The following TMEM242 variants were observed in gnomAD, a reference collection of about 807,000 sequenced individuals.
TMEM242 encodes the protein transmembrane protein 242.
TMEM242 carries 10 observed loss-of-function variants against 18.2 expected under a neutral mutation model. The ratio of observed to expected loss-of-function variants is 0.55; its 90% CI spans 0.34 to 0.93. TMEM242 has a LOEUF of 0.93. Among genes scored for constraint, TMEM242 ranks in the 40% least tolerant of loss-of-function variants. TMEM242 has a pLI of 0.02. For missense variants in TMEM242, 186 were observed against 175.5 expected, an observed-to-expected ratio of 1.06 and a Z score of -0.34; for synonymous variants, 57 against 69.9, an observed-to-expected ratio of 0.81 and a Z score of 0.92.
chr6:157,310,982 GTA>G (rs1554248545), intron 3 of TMEM242, among the ~76,000 whole-genome samples: 7 of 1,500 alleles, frequency 4.7e-3, no homozygotes, highest in Non-Finnish European at 6.9e-3. Context: ...TAGTGTCCCA[GTA>G]TGCGCTAACC....
chr6:157,312,243 T>G, intron 3 of TMEM242, among the ~76,000 whole-genome samples: 1 of 147,226 alleles, frequency 6.8e-6, no homozygotes, highest in African/African-American at 2.5e-5. Context: ...TACACTCATC[T>G]AGCCTTATCA....
rs1252826960 is a variant in TMEM242 at position 157,291,886 on chromosome 6, CATATT to C, written c.*1010_*1014del. The C allele has an allele frequency of 2.6e-5, 4 of 152,166 alleles. No individual in the cohort carries two copies. The highest frequency in any genetic ancestry group is 5.9e-5 in the Non-Finnish European group (4 of 68,034). 9.4% of individuals were successfully genotyped at this position (152,166 alleles called of 1,614,324 possible). Reference sequence around the variant, plus strand: ...CAGGTTTTTTCTCTGGACATATTGACATATTAAAGTATTTCTCTTCTTGAAAATAT... The same window carrying C: ...CAGGTTTTTTCTCTGGACATATTGACAAAGTATTTCTCTTCTTGAAAATAT... On this transcript the variant is annotated 3_prime_UTR_variant, in exon 4 of 4. Coordinates refer to ENST00000400788, the MANE Select transcript of TMEM242 (RefSeq NM_018452.6).
At chr6:157,295,464 C>A (rs1437787876) in intron 3 of TMEM242, among the ~76,000 whole-genome samples, 1 of 152,188 alleles carries the variant, frequency 6.6e-6, no homozygotes, top group Non-Finnish European at 1.5e-5. Context: ...AGCCAGATGA[C>A]AATTTTCAAA....
In TMEM242 at chr6:157,323,465, G is replaced by A. The variant is rs781869043; in HGVS notation, c.35C>T (p.Ala12Val). Residue 12 changes from alanine to valine, a missense_variant, in exon 1 of 4, where the codon GCC becomes GTC. Coordinates refer to ENST00000400788, the MANE Select transcript of TMEM242 (RefSeq NM_018452.6). ...ETAGAATGQP[A>V]SGLEAPGSTN... is the part of the protein sequence containing the mutation. The stretch of plus-strand genomic sequence containing the variant: ...GGACCCCGGAGCCTCCAGCCCAGAG[G>A]CCGGCTGCCCAGTTGCAGCGCCCGC... The A allele has an allele frequency of 1.4e-5, 23 of 1,613,932 alleles. No individual in the cohort carries two copies. The African/African-American group carries it at 3.1e-4, about 22-fold the overall frequency.
Position 157,292,943 on chromosome 6 carries a change from G to A in TMEM242, c.384C>T (p.Ser128=), listed in dbSNP as rs150133490. 3 of 1,613,496 alleles carry A rather than the reference G, an allele frequency of 1.9e-6. No homozygotes were observed. The highest frequency in any genetic ancestry group is 2.5e-6 in the Non-Finnish European group (3 of 1,179,590). ...QSIFPTIPKN[S]ESAVEWEETL... is the part of the protein sequence containing the mutation. ...TTTCCTCCCACTCAACAGCCGATTC[G>A]GAGTTCTTGGGAATTGTTGGAAATA... is the stretch of plus-strand genomic sequence containing the variant. The change falls in exon 4 of 4, where the codon TCC becomes TCT. Residue 128 remains serine, a synonymous_variant. Transcript: ENST00000400788.
intron 3 of TMEM242, among the ~76,000 whole-genome samples, chr6:157,310,843 C>G (rs1554248473): frequency 7.1e-6 from 1 of 139,990 alleles, no homozygotes; most frequent in Non-Finnish European, 1.6e-5. Flanking sequence ...TCATAGTGTC[C>G]CAGTGTGCAC....
chr6:157,310,325 C>A (rs782083786), intron 3 of TMEM242, among the ~76,000 whole-genome samples: 3 of 28,744 alleles, frequency 1.0e-4, no homozygotes, highest in Non-Finnish European at 2.2e-4. Flanking sequence ...GTTCTCCAAA[C>A]TTAAACTATC....
chr6:157,310,320 C>G (rs587733267), intron 3 of TMEM242, among the ~76,000 whole-genome samples: 1 of 53,724 alleles, frequency 1.9e-5, no homozygotes, highest in East Asian at 6.8e-4. Flanking sequence ...CAACTGTTCT[C>G]CAAACTTAAA....
At chr6:157,310,840 GTCCCAGTGTGCACTCACCTA>G (rs1778016098) in intron 3 of TMEM242, among the ~76,000 whole-genome samples, 1 of 151,984 alleles carries the variant, frequency 6.6e-6, no homozygotes, top group African/African-American at 2.4e-5. Flanking sequence ...TCATCATAGT[GTCCCAGTGTGCACTCACCTA>G]GCCTCATCAT....
chr6:157,302,100 G>C (rs1032386053), intron 3 of TMEM242, among the ~76,000 whole-genome samples: 8 of 152,188 alleles, frequency 5.3e-5, no homozygotes, highest in African/African-American at 1.9e-4. Context: ...TCAGATGACA[G>C]AGCCACAAAC....
In TMEM242 at chr6:157,311,187, C is replaced by G. The variant is rs1327861198; in HGVS notation, c.327+7595G>C. 2.5e-4 allele frequency among the ~76,000 whole-genome samples: 35 copies of G among 138,590 alleles called. 2 individuals are homozygous for G. The highest frequency in any genetic ancestry group is 3.0e-4 in the Non-Finnish European group (19 of 63,284). The allele number at this position is 138,590 out of a possible 152,430, so 90.9% of individuals were successfully genotyped here. ...ATCATAGTGTCCGAATGTGCGCTCA[C>G]CCAGCCTGATCATACTGTCCGACTG... is the stretch of plus-strand genomic sequence containing the variant. On this transcript the variant is annotated intron_variant, in intron 3 of 3. Coordinates refer to ENST00000400788, the MANE Select transcript of TMEM242 (RefSeq NM_018452.6).
intron 3 of TMEM242, among the ~76,000 whole-genome samples, chr6:157,309,413 G>A (rs1241362936): frequency 1.3e-5 from 2 of 151,820 alleles, no homozygotes; most frequent in Non-Finnish European, 2.9e-5. Flanking sequence ...TTTAAACAGG[G>A]TCTCTGTCAC....
Position 157,299,677 on chromosome 6 carries a change from C to T in TMEM242, c.328-6678G>A, listed in dbSNP as rs1554247382. 1.9e-6 allele frequency: 3 copies of T among 1,610,542 alleles called. No homozygotes were observed. In the East Asian group the frequency reaches 6.7e-5, roughly 36 times the overall value. ...TTAACTTGAAGATGGCCACATTTCG[C>T]TGGACTAAATTAAGGCGCGTTTCTC... On this transcript the variant is annotated intron_variant, in intron 3 of 3. Transcript: ENST00000400788.
At chr6:157,303,523 A>G (rs1554247664) in intron 3 of TMEM242, among the ~76,000 whole-genome samples, 1 of 152,266 alleles carries the variant, frequency 6.6e-6, no homozygotes, top group African/African-American at 2.4e-5. Flanking sequence ...AGTGTTAGAA[A>G]TGCAGTAAAA....
intron 3 of TMEM242, among the ~76,000 whole-genome samples, chr6:157,309,588 G>A (rs1307000911): frequency 2.0e-5 from 3 of 151,926 alleles, no homozygotes; most frequent in Non-Finnish European, 2.9e-5. Context: ...ACAAGGTCTC[G>A]CTATGTTGCC....
At position 157,305,848 on chromosome 6, in the gene TMEM242, A is replaced by G. The variant is rs1777902048; in HGVS notation, c.328-12849T>C. ...GGAGGGCACTGGCAACCTTAATAGC[A>G]GTTCCAGTGCAGCGCTGGGGCAAGG... On this transcript the variant is annotated intron_variant, in intron 3 of 3. Transcript: ENST00000400788. The surrounding 1 kb of genome is among the most constrained non-coding windows in gnomAD (Gnocchi z 4.1). Among the ~76,000 whole-genome samples, 2 of 152,198 alleles carry G rather than the reference A, an allele frequency of 1.3e-5. No homozygotes were observed. The highest frequency in any genetic ancestry group is 2.9e-5 in the Non-Finnish European group (2 of 68,036).
At chr6:157,310,884 GCA>G (rs1778021131) in intron 3 of TMEM242, among the ~76,000 whole-genome samples, 1 of 29,714 alleles carries the variant, frequency 3.4e-5, no homozygotes, top group African/African-American at 1.2e-4. Context: ...GCCCCAGTGT[GCA>G]CTCACCTAGC....
In TMEM242 at chr6:157,323,460, C is replaced by CAG; in HGVS notation, c.38_39dup (p.Gly14LeufsTer31). On this transcript the variant is annotated frameshift_variant, in exon 1 of 4. Transcript: ENST00000400788. LOFTEE classifies it high-confidence loss of function. ...TTCGTGGACCCCGGAGCCTCCAGCC[C>CAG]AGAGGCCGGCTGCCCAGTTGCAGCG... 1 of 1,614,078 alleles carries CAG rather than the reference C, an allele frequency of 6.2e-7. No homozygotes were observed. The highest frequency in any genetic ancestry group is 8.5e-7 in the Non-Finnish European group (1 of 1,179,974).
At chr6:157,314,998 C>T (rs782045456) in intron 3 of TMEM242, among the ~76,000 whole-genome samples, 2 of 152,138 alleles carry the variant, frequency 1.3e-5, no homozygotes, top group Non-Finnish European at 2.9e-5. Context: ...TAGCTACTTA[C>T]AATTATTTAA....
Sources: allele counts gnomAD v4.1 joint callset (sites outside exome capture counted in the v4.1 genomes callset), GRCh38; gene constraint gnomAD v4.1.1; non-coding constraint Gnocchi (gnomAD v3.1); transcripts MANE v1.5; gene names NCBI Gene and HGNC (gene_info 2026-07-23, HGNC 2026-07-21).